The following TBCD variants were observed in gnomAD, a reference collection of about 807,000 sequenced individuals.
TBCD encodes tubulin folding cofactor D, also known as tubulin-specific chaperone D.
Under a neutral mutation model 169.3 loss-of-function variants are expected in TBCD, and 105 were observed. The ratio of observed to expected loss-of-function variants is 0.62; its 90% confidence interval spans 0.53 to 0.73. The LOEUF (loss-of-function observed/expected upper bound fraction) is 0.73, where lower values mean the gene tolerates loss of function less well. TBCD is among the 30% of genes least tolerant of loss of function. The pLI, the probability that TBCD is intolerant of heterozygous loss-of-function variation, is 0.00. For synonymous variants in TBCD, 700 were observed against 643.9 expected, an observed-to-expected ratio of 1.09 and a Z score of -1.32; for missense variants, 1,444 against 1,600.1, an observed-to-expected ratio of 0.90 and a Z score of 1.66.
chr17:82,807,724 G>A (rs1170305541), intron 11 of TBCD, 56 bp downstream of exon 11: 47 of 1,328,446 alleles, frequency 3.5e-5, no homozygotes, highest in Non-Finnish European at 4.4e-5. Context: ...TCTCCTGTGC[G>A]ATTCAGCAGC....
intron 6 of TBCD, among the ~76,000 whole-genome samples, chr17:82,778,290 C>T (rs1250917940): frequency 1.3e-5 from 2 of 152,056 alleles, no homozygotes; most frequent in Non-Finnish European, 2.9e-5. Flanking sequence ...CAGTATTCCG[C>T]TTTTCCATTC....
At chr17:82,845,424 C>T (rs540551859) in intron 13 of TBCD, among the ~76,000 whole-genome samples, 17 of 151,366 alleles carry the variant, frequency 1.1e-4, no homozygotes, top group Middle Eastern at 3.4e-3. Flanking sequence ...TCCTCTCCAT[C>T]TTGTCCGGCC....
chr17:82,851,385 T>G (rs1363025151), intron 13 of TBCD, among the ~76,000 whole-genome samples: 1 of 152,380 alleles, frequency 6.6e-6, no homozygotes, highest in East Asian at 1.9e-4. Context: ...AATTGTGGCC[T>G]GCAGGCCCAG....
rs551357950 is a variant in TBCD at position 82,806,156 on chromosome 17, C to T, written c.1087+145C>T. 24 of 1,118,244 alleles carry T rather than the reference C, an allele frequency of 2.1e-5. No homozygotes were observed. Among genetic ancestry groups the T allele is most frequent in the South Asian group, 9.4e-5 (6 of 63,612 alleles). The allele number at this position is 1,118,244 out of a possible 1,614,324, so 69.3% of individuals were successfully genotyped here. Reference sequence around the variant, plus strand: ...CTTCGCTGAGTGCACGGTCACTGCCCGTCCTCTGGCTCCTGAACCCAGGCC... The same window carrying T: ...CTTCGCTGAGTGCACGGTCACTGCCTGTCCTCTGGCTCCTGAACCCAGGCC... On this transcript the variant is annotated intron_variant, in intron 10 of 38. Transcript: ENST00000355528. This position sits in a 1 kb window ranked among gnomAD's most constrained non-coding sequence, Gnocchi z 5.1.
intron 13 of TBCD, chr17:82,859,963 G>A: frequency 1.1e-6 from 1 of 890,040 alleles, no homozygotes; most frequent in Non-Finnish European, 1.3e-6. Flanking sequence ...TCGTGGTCCT[G>A]CTCTTGGGCT....
At chr17:82,855,947 T>A (rs2056234727) in intron 13 of TBCD, among the ~76,000 whole-genome samples, 1 of 151,904 alleles carries the variant, frequency 6.6e-6, no homozygotes, top group South Asian at 2.1e-4. Flanking sequence ...TTCATTTGTT[T>A]TTATGGCTGA....
chr17:82,845,000 G>T (rs1429346008), intron 13 of TBCD, among the ~76,000 whole-genome samples: 2 of 152,228 alleles, frequency 1.3e-5, no homozygotes, highest in South Asian at 4.2e-4. Context: ...GGTGGGGGGT[G>T]CTTCCCTGGG....
chr17:82,769,704 C>T (rs886777166), intron 5 of TBCD, among the ~76,000 whole-genome samples: 1 of 151,748 alleles, frequency 6.6e-6, no homozygotes, highest in Non-Finnish European at 1.5e-5. Flanking sequence ...TGGTGAAACC[C>T]TGTGTCTACT....
intron 14 of TBCD, among the ~76,000 whole-genome samples, chr17:82,872,350 T>C (rs2057636107): frequency 1.3e-5 from 2 of 152,254 alleles, no homozygotes; most frequent in South Asian, 4.1e-4. Flanking sequence ...GGCCTCTGTC[T>C]GCTGCTCTCC....
In TBCD at chr17:82,799,197, C is replaced by T. The variant is rs192362092; in HGVS notation, c.817+1395C>T. 5.5e-3 allele frequency among the ~76,000 whole-genome samples: 833 copies of T among 152,216 alleles called. 5 individuals carry two copies. The highest frequency in any genetic ancestry group is 0.019 in the African/African-American group (802 of 41,530). ...TTGTGGCTCACGCCTGTAATCCCAG[C>T]GCTTTGGGAGGCTGAGGCGGGTGGA... On this transcript the variant is annotated intron_variant, in intron 8 of 38. Coordinates refer to ENST00000355528, the MANE Select transcript of TBCD (RefSeq NM_005993.5).
At chr17:82,797,923 C>A in intron 8 of TBCD, 121 bp downstream of exon 8, 4 of 365,462 alleles carry the variant, frequency 1.1e-5, no homozygotes, top group Non-Finnish European at 1.3e-5. Context: ...TGTTTGGACA[C>A]TATCGTTCTT....
In TBCD at chr17:82,831,915, C is replaced by T. The variant is rs772336681; in HGVS notation, c.1318+16981C>T. 2 of 1,614,082 alleles carry T rather than the reference C, an allele frequency of 1.2e-6. No individual in the cohort carries two copies. Among genetic ancestry groups the T allele is most frequent in the African/African-American group, 2.7e-5 (2 of 74,914 alleles). On this transcript the variant is annotated intron_variant, in intron 13 of 38. Transcript: ENST00000355528. The surrounding 1 kb of genome is among the most constrained non-coding windows in gnomAD (Gnocchi z 4.6). ...CAGTGGGGTTGTGTAAAGCCAGTGTCTCGGGCGCCTCGGCGTTGTCTGGCC... is the reference window on the plus strand; with the variant it reads ...CAGTGGGGTTGTGTAAAGCCAGTGTTTCGGGCGCCTCGGCGTTGTCTGGCC...
intron 11 of TBCD, 23 bp downstream of exon 11, chr17:82,807,691 G>A (rs2051073589): frequency 6.9e-7 from 1 of 1,446,984 alleles, no homozygotes; most frequent in South Asian, 1.5e-5. Context: ...GGCCGCAGAA[G>A]CACCCCGGGG....
chr17:82,891,927 C>G (rs1015312325), intron 16 of TBCD, among the ~76,000 whole-genome samples: 1 of 152,176 alleles, frequency 6.6e-6, no homozygotes, highest in Admixed American at 6.5e-5. Context: ...CGTTCAGGGC[C>G]TGTCCGACAT....
In TBCD at chr17:82,909,171, CT is replaced by C. The variant is rs891764406; in HGVS notation, c.1984-113del. The C allele has an allele frequency of 4.6e-6, 4 of 875,744 alleles. No individual in the cohort carries two copies. In the Admixed American group the frequency reaches 9.5e-5, roughly 21 times the overall value. The allele number at this position is 875,744 out of a possible 1,614,324, so 54.2% of individuals were successfully genotyped here. The stretch of plus-strand genomic sequence containing the variant: ...TCAGCCCCCTAGGCGGCTCTCCTGG[CT>C]GGCATGGCATCTTCTGCCATTTTCT... On this transcript the variant is annotated intron_variant, in intron 21 of 38. Transcript: ENST00000355528.
At position 82,805,951 on chromosome 17, in the gene TBCD, A is replaced by G; in HGVS notation, c.1027A>G (p.Ile343Val). 1.2e-6 allele frequency: 2 copies of G among 1,613,820 alleles called. No individual in the cohort carries two copies. Among genetic ancestry groups the G allele is most frequent in the South Asian group, 1.1e-5 (1 of 91,086 alleles). Residue 343 changes from isoleucine (I) to valine (V), a missense_variant, in exon 10 of 39, where the codon ATC becomes GTC. Coordinates refer to ENST00000355528, the MANE Select transcript of TBCD (RefSeq NM_005993.5). ...TQGQSEQKPL[I>V]LTEDDDEDDD... ...GGGTCAGAGTGAGCAGAAGCCACTCATCCTGACCGAAGATGACGACGAAGA... is the reference window on the plus strand; with the variant it reads ...GGGTCAGAGTGAGCAGAAGCCACTCGTCCTGACCGAAGATGACGACGAAGA...
intron 33 of TBCD, 72 bp from the exon 34 acceptor site, chr17:82,932,586 C>T: frequency 7.9e-7 from 1 of 1,268,652 alleles, no homozygotes; most frequent in Non-Finnish European, 1.1e-6. Flanking sequence ...ATCCTGCTGA[C>T]TCTCAGCCAT....
Position 82,860,307 on chromosome 17 carries a change from G to A in TBCD, c.1319-9917G>A, listed in dbSNP as rs12453314. The stretch of plus-strand genomic sequence containing the variant: ...CCCCCGCCCCCTGCATGGCGGTCAC[G>A]CTGCGCTGAGCGTCCCCTCCCCTCT... On this transcript the variant is annotated intron_variant, in intron 13 of 38. Transcript: ENST00000355528. The A allele has an allele frequency of 6.8e-4, 647 of 945,802 alleles. 2 individuals are homozygous for A. Among genetic ancestry groups the A allele is most frequent in the East Asian group, 6.5e-3 (56 of 8,616 alleles). The allele number at this position is 945,802 out of a possible 1,614,324, so 58.6% of individuals were successfully genotyped here.
chr17:82,801,235 T>C, intron 9 of TBCD, among the ~76,000 whole-genome samples: 1 of 152,186 alleles, frequency 6.6e-6, no homozygotes, highest in Admixed American at 6.5e-5. Context: ...GGTGAGCGTC[T>C]GGTGTGGCTG....
Sources: gnomAD v4.1 joint callset for allele counts (sites outside exome capture counted in the v4.1 genomes callset) on GRCh38, gnomAD v4.1.1 for gene constraint, Gnocchi (gnomAD v3.1) non-coding constraint, MANE v1.5 for transcripts, NCBI Gene and HGNC (gene_info 2026-07-23, HGNC 2026-07-21) for gene names.